EPHB6: variants seen among roughly 807,000 people sequenced by gnomAD.
EPHB6 encodes the protein EPH receptor B6, also known as ephrin type-B receptor 6.
In EPHB6, 51 loss-of-function variants were observed where a neutral mutation model predicts 107.0. The observed-to-expected ratio is 0.48, with a 90% confidence interval of 0.38 to 0.60. The LOEUF (loss-of-function observed/expected upper bound fraction) is 0.60. Ranked by LOEUF, EPHB6 falls within the 20% of genes least tolerant of loss-of-function variation. The pLI is 0.00. For synonymous variants in EPHB6, 553 were observed against 549.0 expected (o/e 1.01, Z -0.10); for missense variants, 1,141 against 1,355.5 (o/e 0.84, Z 2.48).
intron 1 of EPHB6, among the ~76,000 whole-genome samples, chr7:142,858,211 A>G (rs1802689196): frequency 6.6e-6 from 1 of 152,130 alleles, no homozygotes; most frequent in Non-Finnish European, 1.5e-5. Flanking sequence ...ACCCATTTTA[A>G]TGGCCTAATA....
chr7:142,867,983 G>T lies in EPHB6; in HGVS notation c.1866-14G>T, dbSNP rs377713784. ...AATGGGAGCGTCATCCCCAGTCACCGTTTTGTTCCTCAGGAAGCGGCGTGG... is the reference window on the plus strand; with the variant it reads ...AATGGGAGCGTCATCCCCAGTCACCTTTTTGTTCCTCAGGAAGCGGCGTGG... On this transcript the variant is annotated splice_polypyrimidine_tract_variant and intron_variant, in intron 12 of 19. Transcript: ENST00000652003. This position sits in a 1 kb window ranked among gnomAD's most constrained non-coding sequence, Gnocchi z 5.3. 12 of 1,567,054 alleles carry T rather than the reference G, an allele frequency of 7.7e-6. No homozygotes were observed. The South Asian group carries it at 1.4e-4, about 18-fold the overall frequency.
rs893640178 is a variant in EPHB6, at chr7:142,855,284, A to G, written c.-533A>G. On this transcript the variant is annotated 5_prime_UTR_variant, in exon 1 of 20. Coordinates refer to ENST00000652003, the MANE Select transcript of EPHB6 (RefSeq NM_004445.6). The surrounding 1 kb of genome is among the most constrained non-coding windows in gnomAD (Gnocchi z 4.2). Reference sequence around the variant, plus strand: ...GGGCCGGGTGCAACGGGGTCCCCGGACTGGAGAAGACGCGGGTGGCACCGT... The same window carrying G: ...GGGCCGGGTGCAACGGGGTCCCCGGGCTGGAGAAGACGCGGGTGGCACCGT... 9 of 152,074 alleles carry G rather than the reference A, an allele frequency of 5.9e-5. No individual in the cohort carries two copies. Among genetic ancestry groups the G allele is most frequent in the African/African-American group, 2.2e-4 (9 of 41,406 alleles). 9.4% of individuals were successfully genotyped at this position (152,074 alleles called of 1,614,324 possible).
intron 5 of EPHB6, 103 bp from the exon 6 acceptor site, chr7:142,863,528 G>A: frequency 7.0e-7 from 1 of 1,419,968 alleles, no homozygotes; most frequent in Non-Finnish European, 9.9e-7. Flanking sequence ...GCAAAGACAT[G>A]GGCCCGGGTG....
At chr7:142,865,741 C>A (rs1803123900) in intron 8 of EPHB6, 111 bp downstream of exon 8, 1 of 1,480,600 alleles carries the variant, frequency 6.8e-7, no homozygotes. Context: ...TTGTTTTTCC[C>A]CTATTTTCTT....
intron 1 of EPHB6, among the ~76,000 whole-genome samples, chr7:142,856,476 A>G (rs1195268456): frequency 1.3e-5 from 2 of 152,172 alleles, no homozygotes; most frequent in Non-Finnish European, 2.9e-5. Context: ...ACACTGAGTT[A>G]CCAGAATGCT....
In EPHB6 at chr7:142,865,539, C is replaced by T. The variant is rs1803107500; in HGVS notation, c.1014C>T (p.Arg338=). 1 of 1,613,576 alleles carries T rather than the reference C, an allele frequency of 6.2e-7. No homozygotes were observed. The change falls in exon 8 of 20, where the codon CGC becomes CGT. Residue 338 remains arginine, a synonymous_variant. Coordinates refer to ENST00000652003, the MANE Select transcript of EPHB6 (RefSeq NM_004445.6). ...GNAPCSPCPA[R]SHAPNPAAPV... ...CTCCCTGCTCACCATGCCCTGCCCGCAGTCACGCTCCCAACCCAGCAGCCC... is the reference window on the plus strand; with the variant it reads ...CTCCCTGCTCACCATGCCCTGCCCGTAGTCACGCTCCCAACCCAGCAGCCC...
Position 142,868,076 on chromosome 7 carries a change from G to C in EPHB6, c.1918+27G>C. 1 of 1,611,366 alleles carries C rather than the reference G, an allele frequency of 6.2e-7. No homozygotes were observed. The highest frequency in any genetic ancestry group is 1.3e-5 in the African/African-American group (1 of 74,988). On this transcript the variant is annotated intron_variant, in intron 13 of 19. Transcript: ENST00000652003. The surrounding 1 kb of genome is among the most constrained non-coding windows in gnomAD (Gnocchi z 4.2). ...TGGGGATGAGGAGAGGAAATGGGTGGGGCTGGGGAACACATGGGTGGGGCA... is the reference window on the plus strand; with the variant it reads ...TGGGGATGAGGAGAGGAAATGGGTGCGGCTGGGGAACACATGGGTGGGGCA...
intron 7 of EPHB6, 96 bp from the exon 8 acceptor site, chr7:142,865,379 G>T (rs1206738873): frequency 1.3e-5 from 19 of 1,516,220 alleles, no homozygotes; most frequent in Non-Finnish European, 1.6e-5. Context: ...CTCTGGGGAA[G>T]AGAAGGCTGC....
In EPHB6 at chr7:142,857,083, G is replaced by A. The variant is rs8177113; in HGVS notation, c.-432+1698G>A. On this transcript the variant is annotated intron_variant, in intron 1 of 19. Coordinates refer to ENST00000652003, the MANE Select transcript of EPHB6 (RefSeq NM_004445.6). ...CTTTTCCAGAGCCACGCATGTCCCC[G>A]GTCAGTGCACAGAGTGGCTCATTCT... 1.9e-4 allele frequency among the ~76,000 whole-genome samples: 29 copies of A among 152,234 alleles called. No individual in the cohort carries two copies. The South Asian group carries it at 5.6e-3, about 29-fold the overall frequency.
chr7:142,859,753 G>T (rs1469593357), intron 1 of EPHB6, among the ~76,000 whole-genome samples: 2 of 152,116 alleles, frequency 1.3e-5, no homozygotes, highest in African/African-American at 2.4e-5. Context: ...TCTTTTTAAT[G>T]AATATCTTTG....
Position 142,868,463 on chromosome 7 carries a change from C to T in EPHB6, c.2039-29C>T. The T allele has an allele frequency of 1.2e-6, 2 of 1,614,100 alleles. No individual in the cohort carries two copies. Among genetic ancestry groups the T allele is most frequent in the Non-Finnish European group, 1.7e-6 (2 of 1,180,006 alleles). On this transcript the variant is annotated intron_variant, in intron 14 of 19. Coordinates refer to ENST00000652003, the MANE Select transcript of EPHB6 (RefSeq NM_004445.6). The surrounding 1 kb of genome is among the most constrained non-coding windows in gnomAD (Gnocchi z 4.2). ...CAGCAGGACGCTGTGAGCCTTGATC[C>T]CCACCCCAACCTACACCTATTTTCC... is the stretch of plus-strand genomic sequence containing the variant.
At chr7:142,870,470 CTG>C in intron 18 of EPHB6, 58 bp from the exon 19 acceptor site, 2 of 1,613,964 alleles carry the variant, frequency 1.2e-6, no homozygotes, top group East Asian at 4.5e-5. Context: ...CTAAAGAAAA[CTG>C]AGGAGAGGGG....
intron 8 of EPHB6, among the ~76,000 whole-genome samples, 156 bp from the exon 9 acceptor site, chr7:142,865,804 C>T (rs1299426745): frequency 1.3e-5 from 2 of 151,858 alleles, no homozygotes; most frequent in East Asian, 1.9e-4. Context: ...CCATCCTTCC[C>T]TGGGCCCACA....
At position 142,863,345 on chromosome 7, in the gene EPHB6, C is replaced by T; in HGVS notation, c.100+18C>T. On this transcript the variant is annotated intron_variant, in intron 5 of 19. Transcript: ENST00000652003. ...TCTGGAAGGTAAGAGGGAGGGGAGACAGGAGAACCCAGACCTGCCATAGAG... is the reference window on the plus strand; with the variant it reads ...TCTGGAAGGTAAGAGGGAGGGGAGATAGGAGAACCCAGACCTGCCATAGAG... 1.2e-6 allele frequency: 2 copies of T among 1,608,864 alleles called. No homozygotes were observed. Among genetic ancestry groups the T allele is most frequent in the Non-Finnish European group, 1.7e-6 (2 of 1,175,696 alleles).
In EPHB6 at chr7:142,855,468, T is replaced by C. The variant is rs955825586; in HGVS notation, c.-432+83T>C. 6.6e-6 allele frequency: 1 copy of C among 151,986 alleles called. No homozygotes were observed. The highest frequency in any genetic ancestry group is 1.5e-5 in the Non-Finnish European group (1 of 68,066). The allele number at this position is 151,986 out of a possible 1,614,324, so 9.4% of individuals were successfully genotyped here. A position where few individuals can be genotyped will look rare whatever the true frequency, so the allele number is the denominator to read the frequency against. Reference sequence around the variant, plus strand: ...ACAGAGGAATTAAGGTTTGCAAGAGTAGTGGGGCTCCTCAGCCCCTAGGTG... The same window carrying C: ...ACAGAGGAATTAAGGTTTGCAAGAGCAGTGGGGCTCCTCAGCCCCTAGGTG... On this transcript the variant is annotated intron_variant, in intron 1 of 19. Transcript: ENST00000652003. The surrounding 1 kb of genome is among the most constrained non-coding windows in gnomAD (Gnocchi z 4.2).
At chr7:142,857,484 T>C (rs1410237748) in intron 1 of EPHB6, among the ~76,000 whole-genome samples, 1 of 152,228 alleles carries the variant, frequency 6.6e-6, no homozygotes, top group African/African-American at 2.4e-5. Flanking sequence ...TGGAATTTCC[T>C]GGGCGTTTAA....
In EPHB6 at chr7:142,865,511, A is replaced by G. The variant is rs2116435413; in HGVS notation, c.986A>G (p.Asn329Ser). The G allele has an allele frequency of 1.2e-6, 2 of 1,613,260 alleles. No homozygotes were observed. Among genetic ancestry groups the G allele is most frequent in the Non-Finnish European group, 1.7e-6 (2 of 1,179,980 alleles). The change falls in exon 8 of 20, where the codon AAT becomes AGT. Residue 329 changes from asparagine to serine, a missense_variant. This residue lies in a region of EPHB6 where 304 missense variants were observed against 295.7 expected (regional missense o/e 1.03). Coordinates refer to ENST00000652003, the MANE Select transcript of EPHB6 (RefSeq NM_004445.6). ...PRGLYKASAGNAPCSPCPARS... is the reference protein window; with the variant it reads ...PRGLYKASAGSAPCSPCPARS... ...GGGCTCTATAAGGCTTCTGCTGGGA[A>G]TGCTCCCTGCTCACCATGCCCTGCC...
rs772331271 is a variant in EPHB6, at chr7:142,866,266, G to C, written c.1412G>C (p.Ser471Thr). ...VQAVNGVSEL[S>T]PDPPQAAAIN... ...GCTGTTAATGGGGTGTCTGAGCTCA[G>C]CCCTGACCCTCCTCAGGCTGCAGCC... The change falls in exon 9 of 20, where the codon AGC (serine) becomes ACC (threonine). Residue 471 changes from serine (S) to threonine (T), a missense_variant. Ser to Thr is a moderately conservative substitution (Grantham distance 58). This residue lies in a region of EPHB6 where 616 missense variants were observed against 759.3 expected (regional missense o/e 0.81). Coordinates refer to ENST00000652003, the MANE Select transcript of EPHB6 (RefSeq NM_004445.6). The surrounding 1 kb of genome is among the most constrained non-coding windows in gnomAD (Gnocchi z 5.2). 3 of 1,614,014 alleles carry C rather than the reference G, an allele frequency of 1.9e-6. No homozygotes were observed. The Admixed American group carries it at 5.0e-5, about 27-fold the overall frequency.
At position 142,868,962 on chromosome 7, in the gene EPHB6, C is replaced by G; in HGVS notation, c.2287-12C>G. The G allele has an allele frequency of 1.9e-6, 3 of 1,606,102 alleles. No homozygotes were observed. The highest frequency in any genetic ancestry group is 2.5e-6 in the Non-Finnish European group (3 of 1,179,558). On this transcript the variant is annotated splice_polypyrimidine_tract_variant and intron_variant, in intron 15 of 19. Transcript: ENST00000652003. The surrounding 1 kb of genome is among the most constrained non-coding windows in gnomAD (Gnocchi z 4.2). ...CGATCACTGACCTCTGCCCCCTGCC[C>G]CTTCCCCTCAGCAGCGGGAGGGCCA...
Sources: allele counts gnomAD v4.1 joint callset (sites outside exome capture counted in the v4.1 genomes callset), GRCh38; gene constraint gnomAD v4.1.1; regional missense constraint gnomAD v4.1.1; non-coding constraint Gnocchi (gnomAD v3.1); transcripts MANE v1.5; gene names NCBI Gene and HGNC (gene_info 2026-07-23, HGNC 2026-07-21).